CHST8: variants seen among roughly 807,000 people sequenced by gnomAD.
The protein encoded by CHST8 is GALNAC-4-ST1.
Under a neutral mutation model 15.0 loss-of-function variants are expected in CHST8, and 10 were observed. That is an observed-to-expected ratio of 0.67 (90% confidence interval 0.41 to 1.13). CHST8 has a LOEUF of 1.13. Among genes scored for constraint, CHST8 ranks in the 50% most tolerant of loss-of-function variants. The probability of loss-of-function intolerance (pLI) is 0.00; values close to 1 mark genes in which losing one functional copy is unlikely to be tolerated. For synonymous variants in CHST8, 259 were observed against 256.6 expected (o/e 1.01, Z -0.09); for missense variants, 634 against 608.2 (o/e 1.04, Z -0.45).
chr19:33,641,404 C>T (rs969035203), intron 1 of CHST8, among the ~76,000 whole-genome samples: 12 of 152,290 alleles, frequency 7.9e-5, no homozygotes, highest in African/African-American at 2.4e-4. Context: ...CCTAGATCTC[C>T]GCCCCACCAC....
At chr19:33,699,954 G>A (rs771442095) in intron 3 of CHST8, among the ~76,000 whole-genome samples, 7 of 152,194 alleles carry the variant, frequency 4.6e-5, no homozygotes, top group Non-Finnish European at 1.0e-4. Flanking sequence ...CCCAAAGGAG[G>A]GTGATAGAGG....
intron 1 of CHST8, among the ~76,000 whole-genome samples, chr19:33,667,314 A>G (rs1972676828): frequency 6.6e-6 from 1 of 152,128 alleles, no homozygotes; most frequent in African/African-American, 2.4e-5. Flanking sequence ...TGCAGCCCCA[A>G]ACGGAATTTC....
At chr19:33,689,488 A>G in intron 3 of CHST8, 97 bp downstream of exon 3, 1 of 1,366,716 alleles carries the variant, frequency 7.3e-7, no homozygotes, top group East Asian at 2.7e-5. Context: ...GCTTGGGGGA[A>G]AGGGGCAAGT....
intron 3 of CHST8, chr19:33,744,492 C>T (rs1974272201): frequency 6.6e-6 from 1 of 152,110 alleles, no homozygotes; most frequent in Admixed American, 6.6e-5. Flanking sequence ...GGGTCCTGTT[C>T]CTTCTCAGCC....
At chr19:33,723,912 G>A (rs1473570221) in intron 3 of CHST8, among the ~76,000 whole-genome samples, 5 of 152,312 alleles carry the variant, frequency 3.3e-5, no homozygotes, top group Admixed American at 1.3e-4. Flanking sequence ...TGTGGGTGGT[G>A]CCACCTCATC....
rs1974598364 is a variant in CHST8, at chr19:33,757,486, G to T, written c.131-13927G>T. On this transcript the variant is annotated intron_variant, in intron 3 of 4. Transcript: ENST00000650847. ...AGAAAGAAAGAAAGAAAGAAAGAAA[G>T]AAAGAAAGAAAGAAAGAAAGAAAGA... 6.0e-4 allele frequency among the ~76,000 whole-genome samples: 27 copies of T among 45,228 alleles called. 3 individuals carry two copies. The highest frequency in any genetic ancestry group is 1.7e-3 in the Admixed American group (7 of 4,048). The allele number at this position is 45,228 out of a possible 152,430, so 29.7% of individuals were successfully genotyped here.
intron 3 of CHST8, among the ~76,000 whole-genome samples, chr19:33,695,821 C>CTTTTTTTTTT (rs55695414): frequency 1.2e-4 from 9 of 76,230 alleles, no homozygotes; most frequent in East Asian, 4.0e-4. Flanking sequence ...TTCTTTCTTT[C>CTTTTTTTTTT]TTTTTTTTTT....
chr19:33,644,990 T>C (rs8101419), intron 1 of CHST8, among the ~76,000 whole-genome samples: 7,209 of 152,252 alleles, frequency 0.047, 591 homozygotes, highest in African/African-American at 0.16. Context: ...GGAGACATTT[T>C]TGATGGTCAT....
At chr19:33,668,682 A>C (rs1272910400) in intron 2 of CHST8, among the ~76,000 whole-genome samples, 2 of 152,164 alleles carry the variant, frequency 1.3e-5, no homozygotes, top group African/African-American at 2.4e-5. Context: ...GGGGGCTTCA[A>C]AATATAAAGT....
At chr19:33,743,296 C>CTTTTTTTTTTTT (rs916165328) in intron 3 of CHST8, among the ~76,000 whole-genome samples, 1 of 98,258 alleles carries the variant, frequency 1.0e-5, no homozygotes, top group African/African-American at 4.0e-5. Flanking sequence ...CACAGCAATT[C>CTTTTTTTTTTTT]TTTTTTTTTT....
intron 2 of CHST8, among the ~76,000 whole-genome samples, chr19:33,681,116 T>C (rs1972882370): frequency 6.6e-6 from 1 of 152,160 alleles, no homozygotes; most frequent in Non-Finnish European, 1.5e-5. Context: ...AAATTAAAGA[T>C]TTTTGAAGGA....
chr19:33,624,259 G>T lies in CHST8; in HGVS notation c.-164+1963G>T, dbSNP rs758141004. 8.7e-4 allele frequency among the ~76,000 whole-genome samples: 132 copies of T among 152,208 alleles called. 3 individuals are homozygous for T. Among genetic ancestry groups the T allele is most frequent in the Middle Eastern group, 3.2e-3 (1 of 316 alleles). ...CAGCGTGGGGGCTCATTTATAAATT[G>T]CCTGAGCAGGCAAAATGAGCATCTT... On this transcript the variant is annotated intron_variant, in intron 1 of 4. Coordinates refer to ENST00000650847, the MANE Select transcript of CHST8 (RefSeq NM_001127895.2).
intron 3 of CHST8, among the ~76,000 whole-genome samples, chr19:33,761,521 G>A (rs190209613): frequency 1.3e-3 from 205 of 152,118 alleles, no homozygotes; most frequent in African/African-American, 4.7e-3. Flanking sequence ...AGTGGAGATG[G>A]GATTTCGTCA....
intron 3 of CHST8, among the ~76,000 whole-genome samples, chr19:33,699,833 A>G (rs957754387): frequency 2.6e-5 from 4 of 152,078 alleles, no homozygotes; most frequent in Non-Finnish European, 5.9e-5. Context: ...TCCTACAGTG[A>G]CTGTCATGTT....
chr19:33,636,180 G>A (rs958120483), intron 1 of CHST8, among the ~76,000 whole-genome samples: 2 of 151,666 alleles, frequency 1.3e-5, no homozygotes, highest in East Asian at 1.9e-4. Flanking sequence ...AACGTTTTAC[G>A]AGTCGATGCT....
chr19:33,712,879 G>A (rs902174436), intron 3 of CHST8, among the ~76,000 whole-genome samples: 2 of 152,152 alleles, frequency 1.3e-5, no homozygotes, highest in African/African-American at 2.4e-5. Context: ...CTGCCTGTCT[G>A]TATATTGGTC....
intron 3 of CHST8, among the ~76,000 whole-genome samples, chr19:33,731,171 C>A (rs1973986368): frequency 6.6e-6 from 1 of 152,210 alleles, no homozygotes; most frequent in Non-Finnish European, 1.5e-5. Context: ...CAATAGTAAT[C>A]ATCACAGCAA....
chr19:33,670,068 G>A (rs1183933572), intron 2 of CHST8, among the ~76,000 whole-genome samples: 2 of 152,128 alleles, frequency 1.3e-5, no homozygotes, highest in Non-Finnish European at 2.9e-5. Flanking sequence ...ACAGATATTT[G>A]CAGAATATAC....
chr19:33,754,662 G>A (rs936681789), intron 3 of CHST8, among the ~76,000 whole-genome samples: 2 of 152,194 alleles, frequency 1.3e-5, no homozygotes, highest in African/African-American at 2.4e-5. Context: ...CCACCTGCAT[G>A]CCCGCTCCAG....
Sources: allele counts gnomAD v4.1 joint callset (sites outside exome capture counted in the v4.1 genomes callset), GRCh38; gene constraint gnomAD v4.1.1; transcripts MANE v1.5; gene names NCBI Gene and HGNC (gene_info 2026-07-23, HGNC 2026-07-21).